The following TRPM3 variants were observed in gnomAD, a reference collection of about 807,000 sequenced individuals.
The protein encoded by TRPM3 is long transient receptor potential channel 3.
In TRPM3, 77 loss-of-function variants were observed where a neutral mutation model predicts 181.2. That is an observed-to-expected ratio of 0.42 (90% CI 0.35 to 0.51). The LOEUF is 0.51. Ranked by LOEUF, TRPM3 falls within the 20% of genes least tolerant of loss-of-function variation. The pLI is 0.01. For missense variants in TRPM3, 1,759 were observed against 2,196.7 expected, an observed-to-expected ratio of 0.80 and a Z score of 3.98; for synonymous variants, 745 against 796.4, an observed-to-expected ratio of 0.94 and a Z score of 1.09.
At chr9:70,758,984 A>G (rs2077585756) in intron 8 of TRPM3, among the ~76,000 whole-genome samples, 1 of 152,240 alleles carries the variant, frequency 6.6e-6, no homozygotes. Flanking sequence ...GACAAATGGG[A>G]TCTAATCAAA....
chr9:71,372,564 T>C (rs1334950798), intron 1 of TRPM3, among the ~76,000 whole-genome samples: 3 of 152,202 alleles, frequency 2.0e-5, no homozygotes, highest in African/African-American at 7.2e-5. Context: ...CATGAGATGG[T>C]ATCTCATTGT....
At chr9:70,550,990 C>T (rs2046330659) in intron 24 of TRPM3, among the ~76,000 whole-genome samples, 1 of 152,144 alleles carries the variant, frequency 6.6e-6, no homozygotes, top group African/African-American at 2.4e-5. Context: ...CCTCAAAGCA[C>T]AGATGATTGC....
rs534353003 is a variant in TRPM3, at chr9:71,364,105, T to G, written c.183+82548A>C. 1.2e-4 allele frequency among the ~76,000 whole-genome samples: 18 copies of G among 152,012 alleles called. No individual in the cohort carries two copies. In the South Asian group the frequency reaches 1.7e-3, roughly 14 times the overall value. On this transcript the variant is annotated intron_variant, in intron 1 of 24. Coordinates refer to the TRPM3 transcript ENST00000357533. ...TCACAATAGGGTGATGAGAGATCTA[T>G]AGGCATGCAAAAACCAAAACAAGAA...
chr9:70,900,494 A>G (rs2096369427), intron 1 of TRPM3, among the ~76,000 whole-genome samples: 1 of 152,238 alleles, frequency 6.6e-6, no homozygotes. Flanking sequence ...ATAGGAATAG[A>G]TTAAAATTTT....
intron 1 of TRPM3, among the ~76,000 whole-genome samples, chr9:71,372,832 CATA>C (rs2092560416): frequency 6.6e-6 from 1 of 152,108 alleles, no homozygotes. Flanking sequence ...CAACACATTA[CATA>C]ATCATATGTA....
At chr9:71,081,936 A>G (rs1351803771) in intron 1 of TRPM3, among the ~76,000 whole-genome samples, 1 of 152,114 alleles carries the variant, frequency 6.6e-6, no homozygotes, top group Non-Finnish European at 1.5e-5. Flanking sequence ...TAAAAGCCAC[A>G]TTTACCTACC....
At chr9:70,963,847 T>A (rs913803013) in intron 1 of TRPM3, among the ~76,000 whole-genome samples, 2 of 152,116 alleles carry the variant, frequency 1.3e-5, no homozygotes, top group African/African-American at 4.8e-5. Flanking sequence ...AAAACTTCTC[T>A]CTGGGGTCAG....
At chr9:70,685,465 G>A (rs1275536446) in intron 8 of TRPM3, among the ~76,000 whole-genome samples, 1 of 152,106 alleles carries the variant, frequency 6.6e-6, no homozygotes, top group Non-Finnish European at 1.5e-5. Flanking sequence ...GAGTGCAATG[G>A]CATGAGCATA....
intron 1 of TRPM3, among the ~76,000 whole-genome samples, chr9:71,338,838 C>T (rs1324925818): frequency 6.6e-6 from 1 of 152,060 alleles, no homozygotes; most frequent in East Asian, 1.9e-4. Flanking sequence ...CTGCTAAAAT[C>T]AAAAACAAGG....
At chr9:71,328,629 A>G (rs2132517720) in intron 1 of TRPM3, among the ~76,000 whole-genome samples, 1 of 152,352 alleles carries the variant, frequency 6.6e-6, no homozygotes, top group African/African-American at 2.4e-5. Context: ...CCCTAGCCAC[A>G]TAGCATAAGA....
rs2096890720 is a variant in TRPM3 at position 70,942,015 on chromosome 9, A to G, written c.178-77504T>C. ...ATTCATAGGGTTTTTTTCCCCTCTA[A>G]AATTGTACTACATACTCTTCAACTT... On this transcript the variant is annotated intron_variant, in intron 1 of 25. Coordinates refer to ENST00000677713, the MANE Select transcript of TRPM3 (RefSeq NM_001366145.2). 2.0e-5 allele frequency among the ~76,000 whole-genome samples: 3 copies of G among 152,204 alleles called. No individual in the cohort carries two copies. In the South Asian group the frequency reaches 6.2e-4, roughly 32 times the overall value.
At chr9:71,408,167 A>C (rs1193857419) in intron 1 of TRPM3, among the ~76,000 whole-genome samples, 2 of 152,190 alleles carry the variant, frequency 1.3e-5, no homozygotes, top group African/African-American at 4.8e-5. Flanking sequence ...GAAAAGTTGA[A>C]AATTCTAAAA....
chr9:70,946,733 C>T (rs1372058959), intron 1 of TRPM3, among the ~76,000 whole-genome samples: 1 of 151,922 alleles, frequency 6.6e-6, no homozygotes, highest in Non-Finnish European at 1.5e-5. Context: ...TCATGTAATG[C>T]CCCCCACCTG....
chr9:70,828,447 G>A (rs548133302), intron 5 of TRPM3, among the ~76,000 whole-genome samples: 15 of 152,114 alleles, frequency 9.9e-5, no homozygotes, highest in South Asian at 6.2e-4. Context: ...AGATGGTGGC[G>A]GGGAGCTAGG....
At chr9:70,889,182 A>T (rs767633912) in intron 1 of TRPM3, among the ~76,000 whole-genome samples, 7 of 152,202 alleles carry the variant, frequency 4.6e-5, no homozygotes, top group Admixed American at 6.5e-5. Context: ...TGGGTGGAAT[A>T]GCAAGGTCAA....
intron 8 of TRPM3, among the ~76,000 whole-genome samples, chr9:70,755,154 A>G (rs1313152581): frequency 8.5e-5 from 13 of 152,190 alleles, no homozygotes; most frequent in Admixed American, 8.5e-4. Context: ...ATTCAAATTT[A>G]GGAAATACAG....
At position 70,575,603 on chromosome 9, in the gene TRPM3, C is replaced by A. The variant is rs186614673; in HGVS notation, c.3223+15428G>T. Among the ~76,000 whole-genome samples the A allele has an allele frequency of 7.0e-4, 106 of 152,210 alleles. 2 individuals carry two copies. Among genetic ancestry groups the A allele is most frequent in the South Asian group, 5.4e-3 (26 of 4,816 alleles). ...ATATGCATGAATGTCTGATTATATT[C>A]ATTTGGGCTTATCATATTCATTTGG... On this transcript the variant is annotated intron_variant, in intron 22 of 25. Transcript: ENST00000677713.
At chr9:71,186,890 G>A (rs1268345411) in intron 1 of TRPM3, among the ~76,000 whole-genome samples, 1 of 151,988 alleles carries the variant, frequency 6.6e-6, no homozygotes, top group Non-Finnish European at 1.5e-5. Flanking sequence ...ATGGGAGCAT[G>A]TCATGGAGTT....
At chr9:70,998,041 C>T (rs1262229392) in intron 1 of TRPM3, among the ~76,000 whole-genome samples, 1 of 151,596 alleles carries the variant, frequency 6.6e-6, no homozygotes. Context: ...CGATTGTTCT[C>T]GGGTTATGGG....
Sources: gnomAD v4.1 joint callset for allele counts (sites outside exome capture counted in the v4.1 genomes callset) on GRCh38, gnomAD v4.1.1 for gene constraint, MANE v1.5 for transcripts, NCBI Gene and HGNC (gene_info 2026-07-23, HGNC 2026-07-21) for gene names.